Variants in MSX2 observed in about 807,000 individuals in gnomAD.
The protein encoded by MSX2 is msh homeobox 2.
A neutral mutation model predicts 18.4 loss-of-function variants in MSX2; 10 were observed. That is an observed-to-expected ratio of 0.54 (90% CI 0.34 to 0.92). The LOEUF (loss-of-function observed/expected upper bound fraction) is 0.92. Ranked by LOEUF, MSX2 falls within the 40% of genes least tolerant of loss-of-function variation. The pLI is 0.02. For synonymous variants in MSX2, 170 were observed against 165.6 expected (o/e 1.03, Z -0.20); for missense variants, 339 against 364.0 (o/e 0.93, Z 0.56).
Position 174,725,641 on chromosome 5 carries a change from G to A in MSX2, c.379+603G>A, listed in dbSNP as rs188809558. ...GGATGGTGGCATCAGAGTCTGGTGC[G>A]GGGAGGAAATGTCTCTCTGTGGTCT... is the stretch of plus-strand genomic sequence containing the variant. On this transcript the variant is annotated intron_variant, in intron 1 of 1. Coordinates refer to ENST00000239243, the MANE Select transcript of MSX2 (RefSeq NM_002449.5). Among the ~76,000 whole-genome samples the A allele has an allele frequency of 4.6e-3, 697 of 152,186 alleles. 4 individuals are homozygous for A. The highest frequency in any genetic ancestry group is 0.036 in the South Asian group (175 of 4,816).
chr5:174,729,154 T>G lies in MSX2; in HGVS notation c.380-5T>G. 11 of 1,613,724 alleles carry G rather than the reference T, an allele frequency of 6.8e-6. No homozygotes were observed. The highest frequency in any genetic ancestry group is 9.3e-6 in the Non-Finnish European group (11 of 1,179,694). Reference sequence around the variant, plus strand: ...TGCTAATCCGCTCCTCTCTCTGTTCTCTAGGACATATGAGCCCTACCACCT... The same window carrying G: ...TGCTAATCCGCTCCTCTCTCTGTTCGCTAGGACATATGAGCCCTACCACCT... On this transcript the variant is annotated splice_polypyrimidine_tract_variant and splice_region_variant and intron_variant, in intron 1 of 1. Transcript: ENST00000239243.
chr5:174,724,696 C>T lies in MSX2; in HGVS notation c.37C>T (p.Pro13Ser). 3 of 1,595,452 alleles carry T rather than the reference C, an allele frequency of 1.9e-6. No individual in the cohort carries two copies. The highest frequency in any genetic ancestry group is 2.6e-6 in the Non-Finnish European group (3 of 1,172,088). ...GTCCAAAGGCAATGACTTGTTTTCG[C>T]CCGACGAGGAGGGCCCAGCAGTGGT... ...SPSKGNDLFS[P>S]DEEGPAVVAG... Residue 13 changes from proline to serine, a missense_variant, in exon 1 of 2, where the codon CCC (proline) becomes TCC (serine). Around this residue, in one of 2 missense-constraint regions of MSX2, gnomAD observed 211 missense variants for 185.4 expected, o/e 1.14. Coordinates refer to ENST00000239243, the MANE Select transcript of MSX2 (RefSeq NM_002449.5).
Position 174,724,819 on chromosome 5 carries a change from T to G in MSX2, c.160T>G (p.Ser54Ala). The G allele has an allele frequency of 6.4e-7, 1 of 1,551,592 alleles. No homozygotes were observed. Among genetic ancestry groups the G allele is most frequent in the South Asian group, 1.2e-5 (1 of 84,324 alleles). The change falls in exon 1 of 2, where the codon TCC becomes GCC. Residue 54 changes from serine (S) to alanine (A), a missense_variant. Around this residue, in one of 2 missense-constraint regions of MSX2, gnomAD observed 211 missense variants for 185.4 expected, o/e 1.14. Transcript: ENST00000239243. ...SLPFSVEALM[S>A]DKKPPKEASP... ...GCCCTTCAGCGTGGAGGCGCTCATG[T>G]CCGACAAGAAGCCGCCCAAGGAGGC...
chr5:174,728,470 G>C (rs895676331), intron 1 of MSX2, among the ~76,000 whole-genome samples: 4 of 152,180 alleles, frequency 2.6e-5, no homozygotes, highest in African/African-American at 7.2e-5. Flanking sequence ...ATTCAAAGAT[G>C]CTATTAATTT....
intron 1 of MSX2, among the ~76,000 whole-genome samples, chr5:174,727,518 C>G (rs1760830171): frequency 6.6e-6 from 1 of 152,090 alleles, no homozygotes; most frequent in Admixed American, 6.5e-5. Context: ...ACACCTGAGT[C>G]CTCCTGAGGG....
At chr5:174,725,990 T>TA (rs1760788377) in intron 1 of MSX2, among the ~76,000 whole-genome samples, 1 of 152,168 alleles carries the variant, frequency 6.6e-6, no homozygotes, top group Non-Finnish European at 1.5e-5. Flanking sequence ...CTCTGTTTGA[T>TA]ATGCCCTGAC....
chr5:174,725,148 C>G (rs1307253274), intron 1 of MSX2, 110 bp downstream of exon 1: 15 of 1,474,222 alleles, frequency 1.0e-5, no homozygotes, highest in Non-Finnish European at 1.4e-5. Flanking sequence ...GCGCTACACT[C>G]CCGGGAAAGC....
intron 1 of MSX2, among the ~76,000 whole-genome samples, chr5:174,727,714 T>A (rs1264887735): frequency 6.6e-6 from 1 of 152,210 alleles, no homozygotes; most frequent in Non-Finnish European, 1.5e-5. Context: ...TGTTCTTTGG[T>A]TGGTTACAAA....
rs776428406 is a variant in MSX2, at chr5:174,725,038, A to G, written c.379A>G (p.Arg127Gly). ...QEPGRYSPPP[R>G]HMSPTTCTLR... Reference sequence around the variant, plus strand: ...ACCCGGCCGATATTCGCCGCCGCCAAGTGAGTGCGCGCCGGGGCAGGAGTA... The same window carrying G: ...ACCCGGCCGATATTCGCCGCCGCCAGGTGAGTGCGCGCCGGGGCAGGAGTA... The change falls in exon 1 of 2, where the codon AGA (arginine) becomes GGA (glycine). Residue 127 changes from arginine to glycine, a missense_variant and splice_region_variant. This residue lies in a region of MSX2 where 211 missense variants were observed against 185.4 expected (regional missense o/e 1.14). Coordinates refer to ENST00000239243, the MANE Select transcript of MSX2 (RefSeq NM_002449.5). The G allele has an allele frequency of 3.1e-6, 5 of 1,610,370 alleles. No individual in the cohort carries two copies. Among genetic ancestry groups the G allele is most frequent in the Non-Finnish European group, 4.2e-6 (5 of 1,179,362 alleles).
In MSX2 at chr5:174,724,837, A is replaced by C. The variant is rs1353231469; in HGVS notation, c.178A>C (p.Lys60Gln). 3.2e-6 allele frequency: 5 copies of C among 1,551,216 alleles called. No homozygotes were observed. Among genetic ancestry groups the C allele is most frequent in the Non-Finnish European group, 4.4e-6 (5 of 1,147,782 alleles). ...EALMSDKKPP[K>Q]EASPLPAESA... ...GCTCATGTCCGACAAGAAGCCGCCC[A>C]AGGAGGCGTCCCCGCTGCCGGCCGA... The change falls in exon 1 of 2, where the codon AAG becomes CAG. Residue 60 changes from lysine (K) to glutamine (Q), a missense_variant. Lys to Gln is a moderately conservative substitution (Grantham distance 53). Around this residue, in one of 2 missense-constraint regions of MSX2, gnomAD observed 211 missense variants for 185.4 expected, o/e 1.14. Transcript: ENST00000239243.
At position 174,729,949 on chromosome 5, in the gene MSX2, T is replaced by G. The variant is rs193163747; in HGVS notation, c.*366T>G. ...TATACATATGTGCTTTTTTTCTATATCTCACCTTCCCAAAAGACACTGTGT... is the reference window on the plus strand; with the variant it reads ...TATACATATGTGCTTTTTTTCTATAGCTCACCTTCCCAAAAGACACTGTGT... On this transcript the variant is annotated 3_prime_UTR_variant, in exon 2 of 2. Coordinates refer to ENST00000239243, the MANE Select transcript of MSX2 (RefSeq NM_002449.5). The G allele has an allele frequency of 1.4e-3, 216 of 152,422 alleles. No homozygotes were observed. The highest frequency in any genetic ancestry group is 2.4e-3 in the Non-Finnish European group (167 of 68,172). The allele number at this position is 152,422 out of a possible 1,614,324, so 9.4% of individuals were successfully genotyped here. A position where few individuals can be genotyped will look rare whatever the true frequency, so the allele number is the denominator to read the frequency against.
In MSX2 at chr5:174,730,658, C is replaced by T. The variant is rs1342065351; in HGVS notation, c.*1075C>T. ...TTAGAAAATTTTATATACTTTTTTACATGTTGGGGGGCAGAAGGTAAAGCC... is the reference window on the plus strand; with the variant it reads ...TTAGAAAATTTTATATACTTTTTTATATGTTGGGGGGCAGAAGGTAAAGCC... On this transcript the variant is annotated 3_prime_UTR_variant, in exon 2 of 2. Coordinates refer to ENST00000239243, the MANE Select transcript of MSX2 (RefSeq NM_002449.5). 6.6e-6 allele frequency: 1 copy of T among 151,850 alleles called. No individual in the cohort carries two copies. The highest frequency in any genetic ancestry group is 6.6e-5 in the Admixed American group (1 of 15,170). 9.4% of individuals were successfully genotyped at this position (151,850 alleles called of 1,614,324 possible). A position where few individuals can be genotyped will look rare whatever the true frequency, so the allele number is the denominator to read the frequency against.
In MSX2 at chr5:174,729,549, C is replaced by T. The variant is rs752824647; in HGVS notation, c.770C>T (p.Thr257Met). ...ATCCCGCCTGTGGGACTCTATGCCA[C>T]GCCAGTGGGATATGGCATGTACCAC... ...LPIPPVGLYA[T>M]PVGYGMYHLS is the part of the protein sequence containing the mutation. Residue 257 changes from threonine to methionine, a missense_variant, in exon 2 of 2, where the codon ACG (threonine) becomes ATG (methionine). Physicochemically the swap from Thr to Met is moderately conservative, Grantham distance 81. Transcript: ENST00000239243. 39 of 1,612,984 alleles carry T rather than the reference C, an allele frequency of 2.4e-5. No individual in the cohort carries two copies. The highest frequency in any genetic ancestry group is 1.6e-4 in the Middle Eastern group (1 of 6,078).
At position 174,729,530 on chromosome 5, in the gene MSX2, C is replaced by T. The variant is rs776218196; in HGVS notation, c.751C>T (p.Pro251Ser). The change falls in exon 2 of 2, where the codon CCT (proline) becomes TCT (serine). Residue 251 changes from proline (P) to serine (S), a missense_variant. Pro to Ser is a moderately conservative substitution (Grantham distance 74). Coordinates refer to ENST00000239243, the MANE Select transcript of MSX2 (RefSeq NM_002449.5). Reference protein sequence around the residue: ...PFHRPVLPIPPVGLYATPVGY... With the variant: ...PFHRPVLPIPSVGLYATPVGY... ...CCATAGACCTGTGCTTCCCATCCCG[C>T]CTGTGGGACTCTATGCCACGCCAGT... is the stretch of plus-strand genomic sequence containing the variant. 16 of 1,613,616 alleles carry T rather than the reference C, an allele frequency of 9.9e-6. No individual in the cohort carries two copies. Among genetic ancestry groups the T allele is most frequent in the Admixed American group, 5.0e-5 (3 of 59,998 alleles).
rs1760729326 is a variant in MSX2 at position 174,724,591 on chromosome 5, A to G, written c.-69A>G. The G allele has an allele frequency of 1.8e-5, 28 of 1,541,298 alleles. No individual in the cohort carries two copies. Among genetic ancestry groups the G allele is most frequent in the Non-Finnish European group, 2.4e-5 (27 of 1,141,800 alleles). On this transcript the variant is annotated 5_prime_UTR_variant, in exon 1 of 2. Transcript: ENST00000239243. The stretch of plus-strand genomic sequence containing the variant: ...CGCCCCTCCCGTCTCCGCAGCAAAA[A>G]AGTTTGAGTCGCCGCTGCCGGGTTG...
intron 1 of MSX2, among the ~76,000 whole-genome samples, chr5:174,725,594 C>G (rs1019466978): frequency 1.3e-5 from 2 of 150,438 alleles, no homozygotes; most frequent in African/African-American, 4.9e-5. Context: ...AGCCGGATCC[C>G]ACGAAGGGAT....
In MSX2 at chr5:174,729,932, T is replaced by C. The variant is rs114567531; in HGVS notation, c.*349T>C. 3,709 of 152,628 alleles carry C rather than the reference T, an allele frequency of 0.024. 161 individuals carry two copies. Among genetic ancestry groups the C allele is most frequent in the African/African-American group, 0.085 (3,534 of 41,528 alleles). 9.5% of individuals were successfully genotyped at this position (152,628 alleles called of 1,614,324 possible). On this transcript the variant is annotated 3_prime_UTR_variant, in exon 2 of 2. Coordinates refer to ENST00000239243, the MANE Select transcript of MSX2 (RefSeq NM_002449.5). ...TTAAAAGGCAAAATTTATATACATA[T>C]GTGCTTTTTTTCTATATCTCACCTT...
rs766427771 is a variant in MSX2, at chr5:174,724,698, C to T, written c.39C>T (p.Pro13=). Residue 13 remains proline, a synonymous_variant, in exon 1 of 2, where the codon CCC becomes CCT. Coordinates refer to ENST00000239243, the MANE Select transcript of MSX2 (RefSeq NM_002449.5). ...CCAAAGGCAATGACTTGTTTTCGCC[C>T]GACGAGGAGGGCCCAGCAGTGGTGG... The part of the protein sequence containing the change: ...SPSKGNDLFS[P]DEEGPAVVAG... The T allele has an allele frequency of 1.4e-5, 22 of 1,595,378 alleles. No individual in the cohort carries two copies. Among genetic ancestry groups the T allele is most frequent in the Non-Finnish European group, 1.6e-5 (19 of 1,172,124 alleles).
At chr5:174,728,085 C>G (rs895632749) in intron 1 of MSX2, among the ~76,000 whole-genome samples, 1 of 152,192 alleles carries the variant, frequency 6.6e-6, no homozygotes, top group African/African-American at 2.4e-5. Context: ...AAGGATGTCC[C>G]AGTCCGTGAT....
Sources: allele counts gnomAD v4.1 joint callset (sites outside exome capture counted in the v4.1 genomes callset), GRCh38; gene constraint gnomAD v4.1.1; regional missense constraint gnomAD v4.1.1; transcripts MANE v1.5; gene names NCBI Gene and HGNC (gene_info 2026-07-23, HGNC 2026-07-21).